Variants in EDA observed in about 807,000 individuals in gnomAD.
EDA encodes ectodysplasin-A.
Under a neutral mutation model 23.6 loss-of-function variants are expected in EDA, and 2 were observed. That is an observed-to-expected ratio of 0.08 (90% confidence interval 0.03 to 0.27). EDA has a LOEUF of 0.27. Among genes scored for constraint, EDA ranks in the 10% least tolerant of loss-of-function variants. EDA has a pLI of 1.00. For missense variants in EDA, 229 were observed against 324.2 expected (o/e 0.71, Z 2.26); for synonymous variants, 131 against 132.0 (o/e 0.99, Z 0.05).
chrX:69,679,634 G>T (rs776299212), intron 1 of EDA, among the ~76,000 whole-genome samples: 2 of 111,617 alleles, frequency 1.8e-5, no homozygotes, highest in African/African-American at 3.3e-5. Context: ...TTCTCTGATG[G>T]TAGTTTGTAT....
intron 1 of EDA, among the ~76,000 whole-genome samples, chrX:69,692,779 T>C (rs1024842653): frequency 3.6e-5 from 4 of 112,007 alleles, no homozygotes; most frequent in Non-Finnish European, 5.6e-5. Flanking sequence ...TGTCCTATAT[T>C]CTTCAGATCA....
intron 1 of EDA, among the ~76,000 whole-genome samples, chrX:69,942,377 T>A (rs768768400): frequency 2.0e-4 from 22 of 111,689 alleles, no homozygotes; most frequent in Non-Finnish European, 3.6e-4. Context: ...AGGACAGGCC[T>A]GGTGTTGAAA....
At chrX:69,726,641 A>T (rs1435744137) in intron 1 of EDA, among the ~76,000 whole-genome samples, 3 of 112,611 alleles carry the variant, frequency 2.7e-5, no homozygotes, top group African/African-American at 9.7e-5. Flanking sequence ...TGGCTTAAAC[A>T]ATAGAACTTT....
At chrX:69,842,576 A>C (rs1261402906) in intron 1 of EDA, among the ~76,000 whole-genome samples, 2 of 111,863 alleles carry the variant, frequency 1.8e-5, no homozygotes, top group African/African-American at 6.5e-5. Context: ...TTTACTAAGC[A>C]TCTTGAGCAA....
At chrX:69,978,500 C>A (rs1259641692) in intron 2 of EDA, among the ~76,000 whole-genome samples, 9 of 54,454 alleles carry the variant, frequency 1.7e-4, no homozygotes, top group African/African-American at 7.6e-4. Flanking sequence ...CAGAATCTGT[C>A]TCAAAAAAAA....
chrX:69,873,632 T>C (rs2017599938), intron 1 of EDA, among the ~76,000 whole-genome samples: 1 of 111,917 alleles, frequency 8.9e-6, no homozygotes, highest in Non-Finnish European at 1.9e-5. Flanking sequence ...GTGCATAAAC[T>C]AGAAAACCTA....
Position 70,035,433 on chromosome X carries a change from C to A in EDA, c.1000C>A (p.Arg334Ser), listed in dbSNP as rs757610457. Residue 334 changes from arginine (R) to serine (S), a missense_variant, in exon 8 of 8, where the codon CGC becomes AGC. Arg to Ser is a moderately radical substitution (Grantham distance 110, BLOSUM62 -1). This residue lies in a region of EDA where 175 missense variants were observed against 281.8 expected (regional missense o/e 0.62). Transcript: ENST00000374552. The stretch of plus-strand genomic sequence containing the variant: ...TGAGAAGCCCTTCCTGCAGTGCACA[C>A]GCAGCATCGAGACGGGCAAGACCAA... ...VDEKPFLQCTRSIETGKTNYN... is the reference protein window; with the variant it reads ...VDEKPFLQCTSSIETGKTNYN... 1 of 1,207,652 alleles carries A rather than the reference C, an allele frequency of 8.3e-7. No individual in the cohort carries two copies. The highest frequency in any genetic ancestry group is 1.8e-5 in the African/African-American group (1 of 56,562).
At chrX:69,653,861 A>G (rs1933192978) in intron 1 of EDA, among the ~76,000 whole-genome samples, 1 of 112,000 alleles carries the variant, frequency 8.9e-6, no homozygotes. Flanking sequence ...AAGAAAACCT[A>G]GGCAATACCA....
chrX:69,822,637 G>A (rs1013831269), intron 1 of EDA, among the ~76,000 whole-genome samples: 3 of 112,000 alleles, frequency 2.7e-5, no homozygotes, highest in Non-Finnish European at 1.9e-5. Context: ...AATATATTGT[G>A]TGGAAGATTA....
intron 1 of EDA, among the ~76,000 whole-genome samples, chrX:69,806,012 T>C (rs2015806637): frequency 9.0e-6 from 1 of 111,499 alleles, no homozygotes; most frequent in Admixed American, 9.5e-5. Context: ...CTTTCTGAAT[T>C]TTCACAAAAA....
At chrX:69,719,724 A>G (rs2012502455) in intron 1 of EDA, among the ~76,000 whole-genome samples, 1 of 107,903 alleles carries the variant, frequency 9.3e-6, no homozygotes, top group Non-Finnish European at 1.9e-5. Flanking sequence ...ATACACACAC[A>G]CACACACACA....
At chrX:69,962,188 G>A (rs1288029879) in intron 2 of EDA, among the ~76,000 whole-genome samples, 1 of 111,663 alleles carries the variant, frequency 9.0e-6, no homozygotes, top group African/African-American at 3.3e-5. Context: ...TGCCTTCCAT[G>A]TTTCCGTCCT....
intron 2 of EDA, among the ~76,000 whole-genome samples, chrX:70,006,921 G>A (rs749170624): frequency 9.1e-6 from 1 of 110,493 alleles, no homozygotes; most frequent in South Asian, 3.8e-4. Context: ...TTGGATCTAT[G>A]ATCCATTTTG....
At chrX:69,653,889 G>A (rs1933196400) in intron 1 of EDA, among the ~76,000 whole-genome samples, 1 of 111,510 alleles carries the variant, frequency 9.0e-6, no homozygotes, top group Non-Finnish European at 1.9e-5. Context: ...CATAGGCATG[G>A]GCAAGGACTT....
intron 1 of EDA, among the ~76,000 whole-genome samples, chrX:69,628,014 G>A (rs1021687040): frequency 8.9e-6 from 1 of 111,853 alleles, no homozygotes; most frequent in Non-Finnish European, 1.9e-5. Flanking sequence ...CCACCTGTCA[G>A]TGGGCCTGCA....
rs752483598 is a variant in EDA at position 69,633,688 on chromosome X, C to T, written c.396+16984C>T. ...CATCCATGCTGGAACATGTATCCGT[C>T]CTTTTTCCCTTTTACAGGTGAATAA... On this transcript the variant is annotated intron_variant, in intron 1 of 7. Transcript: ENST00000374552. Among the ~76,000 whole-genome samples the T allele has an allele frequency of 3.7e-3, 189 of 50,696 alleles. 1 individual carries two copies. The highest frequency in any genetic ancestry group is 3.2e-3 in the Non-Finnish European group (106 of 33,246). 44.0% of individuals were successfully genotyped at this position (50,696 alleles called of 115,157 possible).
chrX:69,744,282 A>T (rs1032135803), intron 1 of EDA, among the ~76,000 whole-genome samples: 3 of 112,032 alleles, frequency 2.7e-5, no homozygotes, highest in African/African-American at 9.7e-5. Context: ...TAGGTATTCC[A>T]GTTTTATAGA....
chrX:69,814,534 C>T (rs4562502), intron 1 of EDA, among the ~76,000 whole-genome samples: 9,216 of 112,408 alleles, frequency 0.082, 975 homozygotes, highest in East Asian at 0.7. Context: ...TTTAATAAAG[C>T]TGTGAGTAGC....
At chrX:69,718,538 T>A (rs1489683581) in intron 1 of EDA, among the ~76,000 whole-genome samples, 2 of 111,229 alleles carry the variant, frequency 1.8e-5, no homozygotes, top group Non-Finnish European at 3.8e-5. Flanking sequence ...CTTTTCTGCA[T>A]TGATTGATAT....
Sources: gnomAD v4.1 joint callset for allele counts (sites outside exome capture counted in the v4.1 genomes callset) on GRCh38, gnomAD v4.1.1 for gene constraint, gnomAD v4.1.1 regional missense constraint, MANE v1.5 for transcripts, NCBI Gene and HGNC (gene_info 2026-07-23, HGNC 2026-07-21) for gene names.